Variants in ARL15 observed in about 807,000 individuals in gnomAD.
The protein encoded by ARL15 is ADP-ribosylation factor-like protein 15.
Under a neutral mutation model 25.2 loss-of-function variants are expected in ARL15, and 19 were observed. That is an observed-to-expected ratio of 0.75 (90% confidence interval 0.53 to 1.10). The LOEUF (loss-of-function observed/expected upper bound fraction) is 1.10, where lower values mean the gene tolerates loss of function less well. ARL15 is among the 50% of genes least tolerant of loss of function. The probability of loss-of-function intolerance (pLI) is 0.00; values close to 1 mark genes in which losing one functional copy is unlikely to be tolerated. For synonymous variants in ARL15, 94 were observed against 86.8 expected (o/e 1.08, Z -0.46); for missense variants, 220 against 246.0 (o/e 0.89, Z 0.71).
chr5:54,078,963 C>T (rs184773029), intron 4 of ARL15, among the ~76,000 whole-genome samples: 2 of 152,030 alleles, frequency 1.3e-5, no homozygotes, highest in Admixed American at 1.3e-4. Context: ...ACTATCAATA[C>T]CTTATTTAAT....
At chr5:54,133,880 C>G (rs1180312515) in intron 3 of ARL15, among the ~76,000 whole-genome samples, 1 of 151,784 alleles carries the variant, frequency 6.6e-6, no homozygotes, top group Non-Finnish European at 1.5e-5. Flanking sequence ...AAGTTATACT[C>G]GCAAAAATGT....
chr5:53,935,297 C>T (rs1746318059), intron 4 of ARL15, among the ~76,000 whole-genome samples: 1 of 152,176 alleles, frequency 6.6e-6, no homozygotes, highest in Non-Finnish European at 1.5e-5. Context: ...CATCCAGGAG[C>T]AGTAGCTGCC....
In ARL15 at chr5:53,949,849, C is replaced by A. The variant is rs182693711; in HGVS notation, c.463-63136G>T. On this transcript the variant is annotated intron_variant, in intron 4 of 4. Coordinates refer to ENST00000504924, the MANE Select transcript of ARL15 (RefSeq NM_019087.3). The stretch of plus-strand genomic sequence containing the variant: ...AAGTAACTCTTTCCAAAAGACTGCT[C>A]GTATGTGAAGAGTGAAAAAACAAAC... Among the ~76,000 whole-genome samples, 679 of 152,160 alleles carry A rather than the reference C, an allele frequency of 4.5e-3. 7 individuals carry two copies. The highest frequency in any genetic ancestry group is 0.016 in the African/African-American group (652 of 41,516).
intron 4 of ARL15, among the ~76,000 whole-genome samples, chr5:53,950,286 C>T (rs75211225): frequency 6.7e-6 from 1 of 149,706 alleles, no homozygotes. Flanking sequence ...AAAAAAAAAA[C>T]GACTATGCTC....
At chr5:54,296,836 G>A (rs565524935) in intron 1 of ARL15, among the ~76,000 whole-genome samples, 1 of 152,254 alleles carries the variant, frequency 6.6e-6, no homozygotes, top group Non-Finnish European at 1.5e-5. Context: ...GTAGTGAAAG[G>A]TTGGGAGAAG....
chr5:54,249,672 C>CA (rs11437578), intron 1 of ARL15, among the ~76,000 whole-genome samples: 16,063 of 72,000 alleles, frequency 0.22, 1,336 homozygotes, highest in East Asian at 0.54. Flanking sequence ...TGGTTAAGAG[C>CA]AAAAAAAAAA....
At chr5:54,107,143 G>T (rs191785381) in intron 4 of ARL15, among the ~76,000 whole-genome samples, 1 of 151,996 alleles carries the variant, frequency 6.6e-6, no homozygotes, top group African/African-American at 2.4e-5. Context: ...GGGCTAAAGC[G>T]GAACCCCGTG....
chr5:54,190,432 G>A (rs368749507), intron 1 of ARL15, among the ~76,000 whole-genome samples: 1 of 151,904 alleles, frequency 6.6e-6, no homozygotes, highest in African/African-American at 2.4e-5. Flanking sequence ...TCATTAGGAT[G>A]GCCACTGTCT....
At chr5:54,204,272 A>G (rs938763400) in intron 1 of ARL15, among the ~76,000 whole-genome samples, 1 of 152,338 alleles carries the variant, frequency 6.6e-6, no homozygotes, top group East Asian at 1.9e-4. Context: ...GATGAAAAAC[A>G]AATCACATAT....
chr5:54,152,980 T>C (rs760400097), intron 3 of ARL15, among the ~76,000 whole-genome samples: 2 of 152,214 alleles, frequency 1.3e-5, no homozygotes, highest in Non-Finnish European at 2.9e-5. Flanking sequence ...GTTTGTTTCA[T>C]CCAAGTAAAC....
chr5:54,043,497 C>A (rs1429616289), intron 4 of ARL15, among the ~76,000 whole-genome samples: 1 of 151,926 alleles, frequency 6.6e-6, no homozygotes, highest in Non-Finnish European at 1.5e-5. Flanking sequence ...TTTTCACAAC[C>A]CTTGAATTGG....
At chr5:53,940,545 T>C (rs1218606210) in intron 4 of ARL15, among the ~76,000 whole-genome samples, 1 of 152,222 alleles carries the variant, frequency 6.6e-6, no homozygotes, top group Non-Finnish European at 1.5e-5. Flanking sequence ...ATGGAATTAA[T>C]AGGAATTCAC....
chr5:53,945,308 GGTATGTTTACTGA>G (rs1746687236), intron 4 of ARL15, among the ~76,000 whole-genome samples: 1 of 152,094 alleles, frequency 6.6e-6, no homozygotes, highest in Non-Finnish European at 1.5e-5. Context: ...TCGTTTACTG[GGTATGTTTACTGA>G]GTAGTTTAGA....
At chr5:54,058,701 G>GGA (rs1354174971) in intron 4 of ARL15, among the ~76,000 whole-genome samples, 4 of 152,126 alleles carry the variant, frequency 2.6e-5, no homozygotes, top group African/African-American at 7.2e-5. Flanking sequence ...GGAGCAACAG[G>GGA]GAGAGAGCTG....
At chr5:54,026,660 G>C (rs542092682) in intron 4 of ARL15, among the ~76,000 whole-genome samples, 5 of 152,168 alleles carry the variant, frequency 3.3e-5, no homozygotes, top group Non-Finnish European at 5.9e-5. Context: ...TCCTAATCTA[G>C]TTACAGAAGC....
chr5:54,031,552 G>C (rs983111437), intron 4 of ARL15, among the ~76,000 whole-genome samples: 1 of 152,118 alleles, frequency 6.6e-6, no homozygotes, highest in Non-Finnish European at 1.5e-5. Context: ...CAGACCATGC[G>C]ACCTGTTGCT....
rs190002135 is a variant in ARL15 at position 54,310,390 on chromosome 5, C to G, written c.48+42G>C. 1.2e-5 allele frequency: 19 copies of G among 1,592,728 alleles called. 1 individual carries two copies. The South Asian group carries it at 2.1e-4, about 17-fold the overall frequency. On this transcript the variant is annotated intron_variant, in intron 1 of 4. Coordinates refer to ENST00000504924, the MANE Select transcript of ARL15 (RefSeq NM_019087.3). ...CAAGGCAGGGGGCCATCGGGCACGC[C>G]GAGATCCGAGAGGCGACATGCCACC...
chr5:53,915,242 T>A (rs1745600712), intron 4 of ARL15, among the ~76,000 whole-genome samples: 1 of 152,216 alleles, frequency 6.6e-6, no homozygotes, highest in East Asian at 1.9e-4. Context: ...TAAAACAGTC[T>A]GGGCAGGATG....
chr5:53,911,403 T>A (rs1489432641), intron 4 of ARL15, among the ~76,000 whole-genome samples: 2 of 152,080 alleles, frequency 1.3e-5, no homozygotes, highest in African/African-American at 4.8e-5. Context: ...CTTCTCTCCC[T>A]CATTCCTTCC....
Sources: gnomAD v4.1 joint callset for allele counts (sites outside exome capture counted in the v4.1 genomes callset) on GRCh38, gnomAD v4.1.1 for gene constraint, MANE v1.5 for transcripts, NCBI Gene and HGNC (gene_info 2026-07-23, HGNC 2026-07-21) for gene names.